Variants in MAP2K1 observed in about 807,000 individuals in gnomAD.
MAP2K1 encodes mitogen-activated protein kinase kinase 1, also known as dual specificity mitogen-activated protein kinase kinase 1.
Under a neutral mutation model 46.3 loss-of-function variants are expected in MAP2K1, and 16 were observed. That is an observed-to-expected ratio of 0.35 (90% CI 0.23 to 0.52). The LOEUF (loss-of-function observed/expected upper bound fraction) is 0.52. Among genes scored for constraint, MAP2K1 ranks in the 20% least tolerant of loss-of-function variants. The probability of loss-of-function intolerance (pLI) is 0.94; values close to 1 mark genes in which losing one functional copy is unlikely to be tolerated. For missense variants in MAP2K1, 263 were observed against 497.1 expected, an observed-to-expected ratio of 0.53 and a Z score of 4.48; for synonymous variants, 183 against 185.6, an observed-to-expected ratio of 0.99 and a Z score of 0.11.
chr15:66,481,973 G>A (rs906376002), intron 6 of MAP2K1, 94 bp downstream of exon 6: 11 of 1,470,936 alleles, frequency 7.5e-6, no homozygotes, highest in Middle Eastern at 1.7e-4. Context: ...GTCTTGTGCT[G>A]GGTAGGGGAC....
intron 5 of MAP2K1, among the ~76,000 whole-genome samples, chr15:66,467,490 ATT>A (rs1439425560): frequency 3.3e-5 from 5 of 152,180 alleles, no homozygotes; most frequent in Non-Finnish European, 7.3e-5. Flanking sequence ...AGTTATGGTT[ATT>A]TTACTAAATA....
At chr15:66,447,756 G>A (rs893949498) in intron 5 of MAP2K1, among the ~76,000 whole-genome samples, 1 of 151,650 alleles carries the variant, frequency 6.6e-6, no homozygotes, top group Non-Finnish European at 1.5e-5. Flanking sequence ...AGTTTTCAGT[G>A]TATAGTTCAG....
At position 66,403,854 on chromosome 15, in the gene MAP2K1, T is replaced by C. The variant is rs140353049; in HGVS notation, c.80+16427T>C. Reference sequence around the variant, plus strand: ...CAGAGTCAGAATTATTTGCCCCCTTTGCTGCTTTCATACCACCCTTTAGTA... The same window carrying C: ...CAGAGTCAGAATTATTTGCCCCCTTCGCTGCTTTCATACCACCCTTTAGTA... On this transcript the variant is annotated intron_variant, in intron 1 of 10. Coordinates refer to ENST00000307102, the MANE Select transcript of MAP2K1 (RefSeq NM_002755.4). Among the ~76,000 whole-genome samples the C allele has an allele frequency of 1.1e-4, 16 of 152,282 alleles. No individual in the cohort carries two copies. The East Asian group carries it at 3.1e-3, about 29-fold the overall frequency.
rs375412152 is a variant in MAP2K1, at chr15:66,389,572, GTTTT to G, written c.80+2166_80+2169del. On this transcript the variant is annotated intron_variant, in intron 1 of 10. Coordinates refer to ENST00000307102, the MANE Select transcript of MAP2K1 (RefSeq NM_002755.4). ...AAGTTTGAAGCCTAGCTCTGTTGTG[GTTTT>G]TTTTTTTTTTTTTTTTTTTTGACAG... 6.9e-5 allele frequency among the ~76,000 whole-genome samples: 6 copies of G among 86,968 alleles called. No homozygotes were observed. In the South Asian group the frequency reaches 1.3e-3, roughly 19 times the overall value. The allele number at this position is 86,968 out of a possible 152,430, so 57.1% of individuals were successfully genotyped here.
intron 5 of MAP2K1, among the ~76,000 whole-genome samples, chr15:66,471,191 T>G (rs1052484754): frequency 1.3e-5 from 2 of 152,294 alleles, no homozygotes; most frequent in East Asian, 1.9e-4. Context: ...AGATTTATTT[T>G]CCTTTCACAG....
At chr15:66,447,044 CACTG>C (rs1300823654) in intron 5 of MAP2K1, among the ~76,000 whole-genome samples, 2 of 152,126 alleles carry the variant, frequency 1.3e-5, no homozygotes, top group Non-Finnish European at 2.9e-5. Context: ...GCACTGCCAA[CACTG>C]ACTGGTGTTG....
chr15:66,406,291 C>G (rs2098485562), intron 1 of MAP2K1, among the ~76,000 whole-genome samples: 1 of 152,174 alleles, frequency 6.6e-6, no homozygotes, highest in Non-Finnish European at 1.5e-5. Flanking sequence ...CCTTGAAATT[C>G]AGTAAAAGCC....
intron 5 of MAP2K1, among the ~76,000 whole-genome samples, chr15:66,464,956 C>T (rs971733419): frequency 2.0e-5 from 3 of 151,822 alleles, no homozygotes; most frequent in Non-Finnish European, 4.4e-5. Context: ...GGCACAGTGG[C>T]TCACACCTGT....
At position 66,420,805 on chromosome 15, in the gene MAP2K1, GTATA is replaced by G. The variant is rs1327368528; in HGVS notation, c.81-14216_81-14213del. 7.9e-5 allele frequency among the ~76,000 whole-genome samples: 5 copies of G among 63,082 alleles called. No homozygotes were observed. In the South Asian group the frequency reaches 2.3e-3, roughly 29 times the overall value. The allele number at this position is 63,082 out of a possible 152,430, so 41.4% of individuals were successfully genotyped here. ...TATATATATGTGTGTATATATATGT[GTATA>G]TATATGTGTATATATATATGTGTAT... On this transcript the variant is annotated intron_variant, in intron 1 of 10. Coordinates refer to ENST00000307102, the MANE Select transcript of MAP2K1 (RefSeq NM_002755.4).
chr15:66,399,371 C>G (rs145160542), intron 1 of MAP2K1, among the ~76,000 whole-genome samples: 1 of 152,210 alleles, frequency 6.6e-6, no homozygotes, highest in Non-Finnish European at 1.5e-5. Context: ...TTTGCTCTTT[C>G]CCATCCCTAG....
At chr15:66,453,039 A>G (rs1408484618) in intron 5 of MAP2K1, among the ~76,000 whole-genome samples, 1 of 152,232 alleles carries the variant, frequency 6.6e-6, no homozygotes, top group Non-Finnish European at 1.5e-5. Context: ...ACAGGAGTCA[A>G]CAGTGAAACT....
chr15:66,445,405 CAAG>C (rs1567012667), intron 5 of MAP2K1, among the ~76,000 whole-genome samples: 1 of 151,922 alleles, frequency 6.6e-6, no homozygotes, highest in Admixed American at 6.6e-5. Flanking sequence ...ACAACAACAA[CAAG>C]AAGAACAAAA....
intron 1 of MAP2K1, chr15:66,414,977 A>T (rs2093421286): frequency 2.3e-6 from 1 of 438,750 alleles, no homozygotes; most frequent in African/African-American, 2.0e-5. Context: ...TCCTTGTAGG[A>T]AAGGCAGTAG....
At chr15:66,412,278 G>C (rs1046816628) in intron 1 of MAP2K1, among the ~76,000 whole-genome samples, 5 of 152,218 alleles carry the variant, frequency 3.3e-5, no homozygotes, top group Admixed American at 3.3e-4. Context: ...TGCGTTTGCT[G>C]TGGGCTGGTA....
intron 10 of MAP2K1, 24 bp from the exon 11 acceptor site, chr15:66,490,478 G>A (rs780460634): frequency 1.9e-5 from 28 of 1,507,060 alleles, no homozygotes; most frequent in East Asian, 1.1e-4. Context: ...TTAACACCAC[G>A]TCCTCTCGTT....
chr15:66,463,832 T>C (rs114688442), intron 5 of MAP2K1, among the ~76,000 whole-genome samples: 2,400 of 152,276 alleles, frequency 0.016, 66 homozygotes, highest in African/African-American at 0.056. Context: ...TCAATTAATA[T>C]ACGTAAGATG....
chr15:66,469,912 C>T (rs1892579958), intron 5 of MAP2K1, among the ~76,000 whole-genome samples: 1 of 151,018 alleles, frequency 6.6e-6, no homozygotes, highest in Non-Finnish European at 1.5e-5. Flanking sequence ...AAAAAGAAGG[C>T]AGAACCTTAT....
chr15:66,409,447 C>A (rs1055528526), intron 1 of MAP2K1, among the ~76,000 whole-genome samples: 2 of 152,102 alleles, frequency 1.3e-5, no homozygotes, highest in Non-Finnish European at 2.9e-5. Context: ...GCATACTTAT[C>A]CCTAGCAAAT....
chr15:66,438,090 T>G (rs1416259441), intron 3 of MAP2K1, among the ~76,000 whole-genome samples: 1 of 151,606 alleles, frequency 6.6e-6, no homozygotes, highest in Non-Finnish European at 1.5e-5. Context: ...TTCTTTTTTT[T>G]TCTTTTTGTT....
Sources: allele counts gnomAD v4.1 joint callset (sites outside exome capture counted in the v4.1 genomes callset), GRCh38; gene constraint gnomAD v4.1.1; transcripts MANE v1.5; gene names NCBI Gene and HGNC (gene_info 2026-07-23, HGNC 2026-07-21).